The following UBR3 variants were observed in gnomAD, a reference collection of about 807,000 sequenced individuals.
The protein encoded by UBR3 is ubiquitin protein ligase E3 component n-recognin 3, also known as E3 ubiquitin-protein ligase UBR3.
In UBR3, 85 loss-of-function variants were observed where a neutral mutation model predicts 243.2. The observed-to-expected ratio is 0.35, with a 90% CI of 0.29 to 0.42. The LOEUF (loss-of-function observed/expected upper bound fraction) is 0.42, where lower values mean the gene tolerates loss of function less well. Among genes scored for constraint, UBR3 ranks in the 10% least tolerant of loss-of-function variants. The pLI is 1.00. For missense variants in UBR3, 1,686 were observed against 2,300.8 expected (o/e 0.73, Z 5.47); for synonymous variants, 748 against 799.8 (o/e 0.94, Z 1.09).
intron 19 of UBR3, among the ~76,000 whole-genome samples, chr2:169,939,828 G>C (rs990033887): frequency 7.2e-5 from 11 of 152,108 alleles, no homozygotes; most frequent in Non-Finnish European, 1.3e-4. Context: ...GCCTCCCAAA[G>C]TGCTGAGATT....
intron 31 of UBR3, among the ~76,000 whole-genome samples, chr2:170,039,895 CT>C (rs1175693000): frequency 1.3e-5 from 2 of 151,868 alleles, no homozygotes; most frequent in Non-Finnish European, 2.9e-5. Flanking sequence ...TTATAGTGTA[CT>C]TTTTAAAATT....
chr2:170,068,494 A>C (rs1368167335), intron 35 of UBR3, among the ~76,000 whole-genome samples: 2 of 152,188 alleles, frequency 1.3e-5, no homozygotes, highest in Non-Finnish European at 2.9e-5. Flanking sequence ...GAACGAACGC[A>C]TAAAAATTAA....
At chr2:169,909,985 G>A (rs1225004405) in intron 10 of UBR3, among the ~76,000 whole-genome samples, 1 of 152,086 alleles carries the variant, frequency 6.6e-6, no homozygotes, top group Non-Finnish European at 1.5e-5. Context: ...TTGAGTAACT[G>A]TGTATGGAAG....
At chr2:170,019,261 T>G (rs2090325949) in intron 30 of UBR3, among the ~76,000 whole-genome samples, 2 of 152,368 alleles carry the variant, frequency 1.3e-5, no homozygotes, top group African/African-American at 4.8e-5. Flanking sequence ...CAAGAAATTA[T>G]GCATAGTCAC....
At chr2:169,967,383 G>C (rs1419286411) in intron 24 of UBR3, among the ~76,000 whole-genome samples, 1 of 151,226 alleles carries the variant, frequency 6.6e-6, no homozygotes, top group African/African-American at 2.4e-5. Context: ...CAGGATAGAA[G>C]TGATATTCTG....
intron 33 of UBR3, among the ~76,000 whole-genome samples, 185 bp downstream of exon 33, chr2:170,055,769 C>G (rs1409755917): frequency 1.3e-5 from 2 of 152,180 alleles, no homozygotes; most frequent in Admixed American, 6.5e-5. Flanking sequence ...ATATCTGTCT[C>G]TAAACCTCAT....
chr2:169,951,995 T>TGTTC (rs1168608772), intron 23 of UBR3, among the ~76,000 whole-genome samples: 1 of 152,178 alleles, frequency 6.6e-6, no homozygotes, highest in Non-Finnish European at 1.5e-5. Flanking sequence ...TGGACGCTAC[T>TGTTC]AAGTTTAAGA....
chr2:169,984,462 G>C (rs755874719), intron 24 of UBR3, among the ~76,000 whole-genome samples: 4 of 152,076 alleles, frequency 2.6e-5, no homozygotes, highest in African/African-American at 4.8e-5. Flanking sequence ...TTGTGACTCT[G>C]TATATTAGTT....
intron 18 of UBR3, among the ~76,000 whole-genome samples, chr2:169,931,855 TA>T (rs2086145240): frequency 6.6e-6 from 1 of 152,142 alleles, no homozygotes; most frequent in African/African-American, 2.4e-5. Flanking sequence ...TTATACACAT[TA>T]AAAATAATTA....
intron 1 of UBR3, among the ~76,000 whole-genome samples, chr2:169,856,822 C>G (rs1331881488): frequency 1.9e-5 from 2 of 104,778 alleles, no homozygotes; most frequent in Admixed American, 1.5e-4. Context: ...GGAGACCGTG[C>G]AAAGGGGAGA....
At chr2:170,075,921 A>G (rs1200474266) in intron 36 of UBR3, among the ~76,000 whole-genome samples, 1 of 152,130 alleles carries the variant, frequency 6.6e-6, no homozygotes, top group Non-Finnish European at 1.5e-5. Context: ...CAGAAAAAAA[A>G]AAAAAAACAG....
chr2:169,971,642 G>A (rs531183604), intron 24 of UBR3, among the ~76,000 whole-genome samples: 1 of 152,036 alleles, frequency 6.6e-6, no homozygotes, highest in Non-Finnish European at 1.5e-5. Context: ...TTGTAGATAT[G>A]CAGCGTTGTT....
intron 1 of UBR3, among the ~76,000 whole-genome samples, chr2:169,866,547 G>C (rs1221379858): frequency 6.6e-6 from 1 of 152,060 alleles, no homozygotes; most frequent in Non-Finnish European, 1.5e-5. Context: ...ATTTTTAGTG[G>C]AGACAGGGTT....
intron 1 of UBR3, 46 bp downstream of exon 1, chr2:169,828,098 C>T (rs1465751248): frequency 1.5e-6 from 2 of 1,324,442 alleles, no homozygotes; most frequent in South Asian, 1.8e-5. Flanking sequence ...GGGCCGGGGA[C>T]GTCGCGGGAG....
At position 169,952,262 on chromosome 2, in the gene UBR3, A is replaced by T. The variant is rs142784148; in HGVS notation, c.3545+2197A>T. Among the ~76,000 whole-genome samples, 438 of 152,304 alleles carry T rather than the reference A, an allele frequency of 2.9e-3. 2 individuals carry two copies. The highest frequency in any genetic ancestry group is 0.01 in the African/African-American group (422 of 41,574). On this transcript the variant is annotated intron_variant, in intron 23 of 38. Transcript: ENST00000272793. ...TAAGAGAAAAACTGGGGTGAGTGGC[A>T]TTAGAGAAGTCACAAGAGGAAGTTC...
chr2:169,993,398 A>T (rs73017679), intron 25 of UBR3, among the ~76,000 whole-genome samples: 1 of 152,108 alleles, frequency 6.6e-6, no homozygotes, highest in Non-Finnish European at 1.5e-5. Context: ...TTGATCCACA[A>T]TCGAATAAAA....
chr2:169,840,880 A>C (rs1482174922), intron 1 of UBR3, among the ~76,000 whole-genome samples: 2 of 152,096 alleles, frequency 1.3e-5, no homozygotes, highest in African/African-American at 4.8e-5. Flanking sequence ...GGTGGGGTGC[A>C]AGGAGCACTG....
chr2:170,065,840 T>G lies in UBR3; in HGVS notation c.5019+4397T>G, dbSNP rs183894558. ...TTATGATCATATAATCTGAAAATAC[T>G]ATATGTCCCATTTTAAGTCTTTATT... is the stretch of plus-strand genomic sequence containing the variant. On this transcript the variant is annotated intron_variant, in intron 35 of 38. Transcript: ENST00000272793. Among the ~76,000 whole-genome samples the G allele has an allele frequency of 1.1e-3, 175 of 152,254 alleles. 1 individual carries two copies. The highest frequency in any genetic ancestry group is 4.0e-3 in the African/African-American group (168 of 41,558).
chr2:169,896,373 A>AT (rs1217656049), intron 7 of UBR3, 134 bp from the exon 8 acceptor site: 25 of 570,710 alleles, frequency 4.4e-5, no homozygotes, highest in South Asian at 7.6e-5. Context: ...CACCATCGAG[A>AT]TTTTTTTTAA....
Sources: allele counts gnomAD v4.1 joint callset (sites outside exome capture counted in the v4.1 genomes callset), GRCh38; gene constraint gnomAD v4.1.1; transcripts MANE v1.5; gene names NCBI Gene and HGNC (gene_info 2026-07-23, HGNC 2026-07-21).